LRRC36: variants seen among roughly 807,000 people sequenced by gnomAD.
LRRC36 encodes the protein leucine-rich repeat-containing protein 36.
Under a neutral mutation model 81.1 loss-of-function variants are expected in LRRC36, and 62 were observed. That is an observed-to-expected ratio of 0.76 (90% CI 0.62 to 0.94). LRRC36 has a LOEUF of 0.94. LRRC36 is among the 40% of genes least tolerant of loss of function. The pLI, the probability that LRRC36 is intolerant of heterozygous loss-of-function variation, is 0.00. For missense variants in LRRC36, 761 were observed against 881.7 expected (o/e 0.86, Z 1.73); for synonymous variants, 334 against 348.6 (o/e 0.96, Z 0.47).
At chr16:67,362,315 A>G (rs1021404037) in intron 5 of LRRC36, 2 of 338,060 alleles carry the variant, frequency 5.9e-6, no homozygotes, top group African/African-American at 2.3e-5. Flanking sequence ...GGTGTGCACC[A>G]TAACGCCCAG....
chr16:67,332,895 TA>T (rs1037374501), intron 1 of LRRC36, among the ~76,000 whole-genome samples: 7 of 151,610 alleles, frequency 4.6e-5, no homozygotes, highest in African/African-American at 9.7e-5. Flanking sequence ...TTTATTTATT[TA>T]TTTTTTTTTA....
chr16:67,362,830 T>G (rs1941118188), intron 5 of LRRC36, among the ~76,000 whole-genome samples: 1 of 151,990 alleles, frequency 6.6e-6, no homozygotes, highest in Non-Finnish European at 1.5e-5. Context: ...CAGGCTGGAG[T>G]GCAGTGGCAC....
intron 3 of LRRC36, among the ~76,000 whole-genome samples, chr16:67,346,913 T>G (rs557303476): frequency 6.6e-6 from 1 of 152,178 alleles, no homozygotes; most frequent in African/African-American, 2.4e-5. Flanking sequence ...CTCACTCTGT[T>G]GCCCAGGCTG....
rs555076111 is a variant in LRRC36, at chr16:67,358,005, T to A, written c.578-5585T>A. On this transcript the variant is annotated intron_variant, in intron 5 of 13. Coordinates refer to ENST00000329956, the MANE Select transcript of LRRC36 (RefSeq NM_018296.6). ...GCTGGACAACAGGTCATAATTACAT[T>A]TGCTTTTGGAATTAAGGGCTGGATA... 2.6e-5 allele frequency among the ~76,000 whole-genome samples: 4 copies of A among 152,314 alleles called. No homozygotes were observed. The East Asian group carries it at 7.7e-4, about 29-fold the overall frequency.
At chr16:67,345,336 C>T (rs984306959) in intron 2 of LRRC36, among the ~76,000 whole-genome samples, 1 of 132,054 alleles carries the variant, frequency 7.6e-6, no homozygotes, top group Non-Finnish European at 1.5e-5. Context: ...AAAAAGTATG[C>T]GATTATACAT....
At position 67,346,258 on chromosome 16, in the gene LRRC36, A is replaced by T; in HGVS notation, c.201A>T (p.Gly67=). The stretch of plus-strand genomic sequence containing the variant: ...ATAATGTGGTGTTTTCCTTGTAGGG[A>T]ATCCAGTATTTATGTTCACTCCAAG... ...LSRNLITSLK[G]IQYLCSLQDL... The change falls in exon 3 of 14, where the codon GGA becomes GGT. Residue 67 remains glycine (G), a splice_region_variant and synonymous_variant. Coordinates refer to ENST00000329956, the MANE Select transcript of LRRC36 (RefSeq NM_018296.6). 6 of 1,549,718 alleles carry T rather than the reference A, an allele frequency of 3.9e-6. No individual in the cohort carries two copies. In the South Asian group the frequency reaches 7.4e-5, roughly 19 times the overall value.
At chr16:67,368,355 T>A (rs565150828) in intron 8 of LRRC36, among the ~76,000 whole-genome samples, 2 of 152,268 alleles carry the variant, frequency 1.3e-5, no homozygotes, top group Admixed American at 6.5e-5. Flanking sequence ...TAGAGCGTGA[T>A]AAGGAGGAGG....
Position 67,376,879 on chromosome 16 carries a change from C to A in LRRC36, c.1806+7C>A. 6.2e-7 allele frequency: 1 copy of A among 1,603,904 alleles called. No homozygotes were observed. Among genetic ancestry groups the A allele is most frequent in the Non-Finnish European group, 8.5e-7 (1 of 1,172,370 alleles). The stretch of plus-strand genomic sequence containing the variant: ...GCTGGTCCCTAATGACATGGTATGC[C>A]CCTCTCATCTCCCTTTAGAAAAGGA... On this transcript the variant is annotated splice_region_variant and intron_variant, in intron 11 of 13. Coordinates refer to ENST00000329956, the MANE Select transcript of LRRC36 (RefSeq NM_018296.6).
chr16:67,339,293 AT>A (rs562830632), intron 1 of LRRC36, among the ~76,000 whole-genome samples: 64 of 150,514 alleles, frequency 4.3e-4, no homozygotes, highest in African/African-American at 1.5e-3. Flanking sequence ...TAGTGTCTTC[AT>A]ATTATTATGA....
intron 8 of LRRC36, among the ~76,000 whole-genome samples, chr16:67,368,898 A>G (rs2039518900): frequency 6.6e-6 from 1 of 152,168 alleles, no homozygotes; most frequent in African/African-American, 2.4e-5. Flanking sequence ...AAAGAGGGTC[A>G]ATGGTAATTC....
chr16:67,381,922 G>A (rs76647549), intron 12 of LRRC36, among the ~76,000 whole-genome samples: 4,185 of 152,228 alleles, frequency 0.027, 60 homozygotes, highest in South Asian at 0.031. Context: ...TGGCCCACGT[G>A]CAATATTAAG....
chr16:67,384,169 G>A (rs981577675), intron 13 of LRRC36, among the ~76,000 whole-genome samples: 5 of 152,174 alleles, frequency 3.3e-5, no homozygotes, highest in Admixed American at 2.6e-4. Context: ...AGGTGCAGTG[G>A]CTCGAGCCTG....
chr16:67,327,581 T>G (rs1390322344), intron 1 of LRRC36, among the ~76,000 whole-genome samples: 2 of 152,206 alleles, frequency 1.3e-5, no homozygotes, highest in Non-Finnish European at 2.9e-5. Context: ...GTTGGATATA[T>G]GGGTCTGGAC....
intron 2 of LRRC36, among the ~76,000 whole-genome samples, chr16:67,345,047 C>T (rs1218275712): frequency 3.3e-4 from 50 of 151,452 alleles, no homozygotes; most frequent in Admixed American, 3.3e-3. Flanking sequence ...CACAGTGGCT[C>T]ATGCCTGTAA....
intron 5 of LRRC36, among the ~76,000 whole-genome samples, chr16:67,359,397 G>A (rs751897089): frequency 5.3e-5 from 8 of 152,190 alleles, no homozygotes; most frequent in Non-Finnish European, 1.2e-4. Flanking sequence ...TATATTGTAT[G>A]ATTCCATTTA....
At chr16:67,368,956 A>AAG (rs2039521455) in intron 8 of LRRC36, among the ~76,000 whole-genome samples, 1 of 152,184 alleles carries the variant, frequency 6.6e-6, no homozygotes, top group Non-Finnish European at 1.5e-5. Flanking sequence ...TTCATTTACT[A>AAG]AGATGGAAAA....
chr16:67,347,240 G>A, intron 3 of LRRC36: 1 of 445,894 alleles, frequency 2.2e-6, no homozygotes, highest in Non-Finnish European at 3.9e-6. Flanking sequence ...CCTTTGAATT[G>A]TTTACTGTCC....
chr16:67,343,032 A>G (rs1302197003), intron 2 of LRRC36, among the ~76,000 whole-genome samples: 13 of 152,202 alleles, frequency 8.5e-5, no homozygotes. Flanking sequence ...TTTAGCAGCC[A>G]TTTATATTTG....
chr16:67,365,328 A>G lies in LRRC36; in HGVS notation c.727A>G (p.Met243Val). Reference sequence around the variant, plus strand: ...GACACAGGAAGTAGCAAGAAGGGAGATGCCAAGTGACAATCACCAGGAAGA... The same window carrying G: ...GACACAGGAAGTAGCAAGAAGGGAGGTGCCAAGTGACAATCACCAGGAAGA... ...TQTQEVARREMPSDNHQEDEF... is the reference protein window; with the variant it reads ...TQTQEVARREVPSDNHQEDEF... The change falls in exon 7 of 14, where the codon ATG (methionine) becomes GTG (valine). Residue 243 changes from methionine to valine, a missense_variant. Physicochemically the swap from Met to Val is conservative, Grantham distance 21. Around this residue, in one of 3 missense-constraint regions of LRRC36, gnomAD observed 139 missense variants for 214.0 expected, o/e 0.65. Coordinates refer to ENST00000329956, the MANE Select transcript of LRRC36 (RefSeq NM_018296.6). 1 of 1,613,346 alleles carries G rather than the reference A, an allele frequency of 6.2e-7. No homozygotes were observed. The highest frequency in any genetic ancestry group is 8.5e-7 in the Non-Finnish European group (1 of 1,179,688).
Sources: gnomAD v4.1 joint callset for allele counts (sites outside exome capture counted in the v4.1 genomes callset) on GRCh38, gnomAD v4.1.1 for gene constraint, gnomAD v4.1.1 regional missense constraint, MANE v1.5 for transcripts, NCBI Gene and HGNC (gene_info 2026-07-23, HGNC 2026-07-21) for gene names.